PUDP: variants seen among roughly 807,000 people sequenced by gnomAD.
PUDP encodes the protein pseudouridine-5'-phosphatase.
A neutral mutation model predicts 9.4 loss-of-function variants in PUDP; 8 were observed. The ratio of observed to expected loss-of-function variants is 0.85; its 90% CI spans 0.50 to 1.53. The LOEUF is 1.53. Ranked by LOEUF, PUDP falls within the 40% of genes most tolerant of loss-of-function variation. The pLI, the probability that PUDP is intolerant of heterozygous loss-of-function variation, is 0.00. For missense variants in PUDP, 188 were observed against 189.7 expected (o/e 0.99, Z 0.05); for synonymous variants, 99 against 80.7 (o/e 1.23, Z -1.22).
At chrX:6,707,611 A>G (rs998552662) in intron 1 of PUDP, among the ~76,000 whole-genome samples, 1 of 110,322 alleles carries the variant, frequency 9.1e-6, no homozygotes, top group Non-Finnish European at 1.9e-5. Flanking sequence ...CAGGGTTCGC[A>G]CTCCTATGAG....
intron 3 of PUDP, among the ~76,000 whole-genome samples, chrX:6,752,293 A>G (rs1925103904): frequency 1.8e-5 from 2 of 111,211 alleles, no homozygotes; most frequent in Non-Finnish European, 3.8e-5. Flanking sequence ...CAGCACCCCC[A>G]AAGGTTCTGA....
At chrX:6,951,375 G>C (rs148976824) in intron 3 of PUDP, among the ~76,000 whole-genome samples, 1 of 110,221 alleles carries the variant, frequency 9.1e-6, no homozygotes, top group Non-Finnish European at 1.9e-5. Context: ...ATTTTGTTCT[G>C]TATTCTTCCA....
chrX:7,014,980 C>T (rs1929528020), intron 1 of PUDP, among the ~76,000 whole-genome samples: 1 of 111,639 alleles, frequency 9.0e-6, no homozygotes, highest in Admixed American at 9.5e-5. Context: ...TTTACTCACT[C>T]CCTGGTCTTG....
At chrX:6,824,702 A>G (rs1926398577) in intron 3 of PUDP, among the ~76,000 whole-genome samples, 1 of 111,949 alleles carries the variant, frequency 8.9e-6, no homozygotes, top group South Asian at 3.7e-4. Context: ...GCTCCCATGT[A>G]TATATGTTAA....
intron 3 of PUDP, among the ~76,000 whole-genome samples, chrX:6,778,341 AT>A (rs890590478): frequency 1.8e-5 from 2 of 112,594 alleles, no homozygotes; most frequent in African/African-American, 6.5e-5. Context: ...GTATCTATAC[AT>A]CCCCAACGAA....
chrX:7,018,991 T>C (rs1381702886), intron 1 of PUDP, among the ~76,000 whole-genome samples: 4 of 112,344 alleles, frequency 3.6e-5, no homozygotes, highest in African/African-American at 1.3e-4. Context: ...TTGAAAAATA[T>C]AGTAATTAAG....
intron 3 of PUDP, among the ~76,000 whole-genome samples, chrX:6,924,475 G>A (rs963901402): frequency 3.6e-5 from 4 of 112,175 alleles, no homozygotes; most frequent in African/African-American, 9.7e-5. Context: ...TTCAGATTAC[G>A]GATTTTGTAA....
At chrX:7,105,485 C>T (rs1370482632) in intron 2 of PUDP, 135 bp downstream of exon 2, 35 of 447,018 alleles carry the variant, frequency 7.8e-5, no homozygotes, top group Non-Finnish European at 1.1e-4. Context: ...TTCAGGAGCA[C>T]CAGGAGGGAC....
intron 3 of PUDP, among the ~76,000 whole-genome samples, chrX:6,782,607 T>G (rs1925582797): frequency 9.0e-6 from 1 of 111,045 alleles, no homozygotes; most frequent in Non-Finnish European, 1.9e-5. Context: ...TAACCACATC[T>G]ACGATTTCTG....
chrX:7,064,800 A>C (rs1214511706), intron 3 of PUDP, among the ~76,000 whole-genome samples: 6 of 112,078 alleles, frequency 5.4e-5, no homozygotes, highest in Non-Finnish European at 1.1e-4. Context: ...TCTTTTCTAC[A>C]GAAAACGTAT....
chrX:6,891,784 C>A (rs995137089), intron 3 of PUDP, among the ~76,000 whole-genome samples: 3 of 112,064 alleles, frequency 2.7e-5, no homozygotes, highest in African/African-American at 9.7e-5. Context: ...GGAAGGGGCA[C>A]CTCTTCCATG....
intron 2 of PUDP, among the ~76,000 whole-genome samples, chrX:7,103,622 CA>C (rs1385571605): frequency 8.9e-6 from 1 of 111,918 alleles, no homozygotes; most frequent in African/African-American, 3.3e-5. Context: ...AAAAGGGAGC[CA>C]GAATGGGAGA....
intron 1 of PUDP, among the ~76,000 whole-genome samples, chrX:6,979,244 A>G (rs1235345837): frequency 4.5e-5 from 5 of 111,523 alleles, no homozygotes; most frequent in African/African-American, 1.6e-4. Context: ...CAAAATAAAT[A>G]CCATGCAGGA....
In PUDP at chrX:6,861,883, T is replaced by G. The variant is rs141657903; in HGVS notation, c.*247+115250A>C. 3.5e-3 allele frequency among the ~76,000 whole-genome samples: 394 copies of G among 111,691 alleles called. 1 individual carries two copies. Among genetic ancestry groups the G allele is most frequent in the African/African-American group, 0.012 (372 of 30,773 alleles). ...TTTGACCTCCGACTCCCTTTTCCAG[T>G]GTCTGAGGGCTATCTTAGGGGTTTT... On this transcript the variant is annotated intron_variant and NMD_transcript_variant, in intron 3 of 3. Coordinates refer to the PUDP transcript ENST00000655425.
At chrX:6,765,929 C>CA (rs1431273609) in intron 3 of PUDP, among the ~76,000 whole-genome samples, 1 of 111,221 alleles carries the variant, frequency 9.0e-6, no homozygotes, top group African/African-American at 3.3e-5. Context: ...AAATCCATGC[C>CA]AAGACACTTC....
chrX:7,019,341 C>A (rs1929597462), intron 1 of PUDP, among the ~76,000 whole-genome samples: 1 of 111,958 alleles, frequency 8.9e-6, no homozygotes, highest in Non-Finnish European at 1.9e-5. Context: ...AAATAAAACT[C>A]TTTTACTTCA....
chrX:6,796,962 C>T (rs936113695), intron 3 of PUDP, among the ~76,000 whole-genome samples: 14 of 111,540 alleles, frequency 1.3e-4, no homozygotes, highest in Non-Finnish European at 7.5e-5. Flanking sequence ...ATTTCTGATG[C>T]GTCTGACAGA....
intron 3 of PUDP, among the ~76,000 whole-genome samples, chrX:6,874,534 T>G (rs997564309): frequency 9.0e-6 from 1 of 111,324 alleles, no homozygotes; most frequent in Admixed American, 9.5e-5. Context: ...CTGCACTCTG[T>G]AGCATTCAGC....
At chrX:6,815,549 T>G (rs1223167187) in intron 3 of PUDP, among the ~76,000 whole-genome samples, 1 of 111,715 alleles carries the variant, frequency 9.0e-6, no homozygotes, top group Non-Finnish European at 1.9e-5. Context: ...TCAGGGCCTC[T>G]TGGCTACCTT....
Sources: gnomAD v4.1 joint callset for allele counts (sites outside exome capture counted in the v4.1 genomes callset) on GRCh38, gnomAD v4.1.1 for gene constraint, MANE v1.5 for transcripts, NCBI Gene and HGNC (gene_info 2026-07-23, HGNC 2026-07-21) for gene names.